RFX4: variants seen among roughly 807,000 people sequenced by gnomAD.
RFX4 encodes the protein regulatory factor X4, also known as transcription factor RFX4.
RFX4 carries 10 observed loss-of-function variants against 95.0 expected under a neutral mutation model. The observed-to-expected ratio is 0.11, with a 90% CI of 0.06 to 0.18. The LOEUF is 0.18. Among genes scored for constraint, RFX4 ranks in the 10% least tolerant of loss-of-function variants. RFX4 has a pLI of 1.00. For synonymous variants in RFX4, 321 were observed against 340.7 expected (o/e 0.94, Z 0.64); for missense variants, 640 against 922.0 (o/e 0.69, Z 3.96).
At chr12:106,597,223 C>T (rs1271620070) in intron 1 of RFX4, among the ~76,000 whole-genome samples, 2 of 151,998 alleles carry the variant, frequency 1.3e-5, no homozygotes, top group Non-Finnish European at 1.5e-5. Flanking sequence ...TCTTCTAATC[C>T]TCATAATAAC....
chr12:106,625,041 G>A (rs1369558452), intron 2 of RFX4, among the ~76,000 whole-genome samples: 1 of 152,162 alleles, frequency 6.6e-6, no homozygotes, highest in East Asian at 1.9e-4. Context: ...TGCTCGGAAT[G>A]GGAGACTATT....
At chr12:106,761,166 A>T in intron 17 of RFX4, 31 bp from the exon 18 acceptor site, 2 of 1,599,418 alleles carry the variant, frequency 1.3e-6, no homozygotes, top group Non-Finnish European at 1.7e-6. Flanking sequence ...AGCTAATTTT[A>T]ACTTTGTGGA....
At chr12:106,643,265 G>A (rs772836143) in intron 3 of RFX4, among the ~76,000 whole-genome samples, 14 of 152,278 alleles carry the variant, frequency 9.2e-5, no homozygotes, top group Admixed American at 5.2e-4. Context: ...CACACTCAGC[G>A]TCCACCACTC....
intron 2 of RFX4, among the ~76,000 whole-genome samples, chr12:106,625,630 T>C (rs778233881): frequency 6.6e-6 from 1 of 152,114 alleles, no homozygotes; most frequent in Non-Finnish European, 1.5e-5. Context: ...TAGACAGAGT[T>C]GTATGGGTAG....
At chr12:106,583,699 G>A (rs990471601) in intron 1 of RFX4, 1 of 217,684 alleles carries the variant, frequency 4.6e-6, no homozygotes, top group Non-Finnish European at 9.0e-6. Context: ...AACTTTGCCA[G>A]CCGACCGCCC....
intron 3 of RFX4, among the ~76,000 whole-genome samples, chr12:106,652,057 C>A (rs2040866369): frequency 6.6e-6 from 1 of 152,180 alleles, no homozygotes; most frequent in Non-Finnish European, 1.5e-5. Context: ...GGCTGATTTT[C>A]ATTCATACTG....
At chr12:106,614,010 C>T (rs926159791) in intron 2 of RFX4, among the ~76,000 whole-genome samples, 3 of 152,206 alleles carry the variant, frequency 2.0e-5, no homozygotes, top group Admixed American at 6.5e-5. Context: ...CACTTCCTTG[C>T]CAACATTTGG....
chr12:106,647,413 A>C (rs2040769233), intron 3 of RFX4, among the ~76,000 whole-genome samples: 1 of 152,196 alleles, frequency 6.6e-6, no homozygotes, highest in African/African-American at 2.4e-5. Context: ...GGGTAGTGAT[A>C]GCCAATATGA....
Position 106,762,080 on chromosome 12 carries a change from C to T in RFX4, c.*611C>T, listed in dbSNP as rs899295087. On this transcript the variant is annotated 3_prime_UTR_variant, in exon 18 of 18. Coordinates refer to ENST00000392842, the MANE Select transcript of RFX4 (RefSeq NM_213594.3). Reference sequence around the variant, plus strand: ...GTCATACCCACATCTGTCACAGTACCTGCATTGTCTTGGAATGTAAGCACT... The same window carrying T: ...GTCATACCCACATCTGTCACAGTACTTGCATTGTCTTGGAATGTAAGCACT... The T allele has an allele frequency of 1.3e-5, 2 of 152,626 alleles. No homozygotes were observed. The highest frequency in any genetic ancestry group is 4.8e-5 in the African/African-American group (2 of 41,418). The allele number at this position is 152,626 out of a possible 1,614,324, so 9.5% of individuals were successfully genotyped here.
intron 16 of RFX4, 74 bp downstream of exon 16, chr12:106,747,673 C>A: frequency 6.6e-7 from 1 of 1,523,948 alleles, no homozygotes; most frequent in Non-Finnish European, 8.9e-7. Context: ...CAGCTCACAC[C>A]CTGTAATCCC....
At chr12:106,731,161 A>T (rs1173591763) in intron 13 of RFX4, among the ~76,000 whole-genome samples, 16 of 152,194 alleles carry the variant, frequency 1.1e-4, no homozygotes, top group African/African-American at 3.6e-4. Context: ...ATGGGATGGG[A>T]GATAAAGGCT....
intron 8 of RFX4, among the ~76,000 whole-genome samples, chr12:106,703,840 T>C (rs979515867): frequency 6.6e-6 from 1 of 151,896 alleles, no homozygotes; most frequent in African/African-American, 2.4e-5. Flanking sequence ...CCGAGGCAGG[T>C]AAATCACTCA....
chr12:106,731,720 G>T (rs1346240751), intron 13 of RFX4, among the ~76,000 whole-genome samples: 4 of 152,190 alleles, frequency 2.6e-5, no homozygotes, highest in African/African-American at 9.6e-5. Flanking sequence ...AAGTCCAATT[G>T]GGGGAATAAT....
chr12:106,748,338 T>A (rs957846428), intron 16 of RFX4, among the ~76,000 whole-genome samples: 2 of 152,234 alleles, frequency 1.3e-5, no homozygotes, highest in Admixed American at 1.3e-4. Context: ...AAGTCTTTTA[T>A]GATTCCATTT....
intron 2 of RFX4, among the ~76,000 whole-genome samples, chr12:106,635,044 A>G (rs1490971922): frequency 6.6e-6 from 1 of 152,240 alleles, no homozygotes; most frequent in East Asian, 1.9e-4. Context: ...TATAATTGCC[A>G]TAGAAGATGA....
At chr12:106,585,871 G>A (rs2039447819) in intron 1 of RFX4, 1 of 152,264 alleles carries the variant, frequency 6.6e-6, no homozygotes, top group South Asian at 2.1e-4. Context: ...AAGTGCCTCG[G>A]GCCCGGGAGA....
intron 2 of RFX4, among the ~76,000 whole-genome samples, chr12:106,626,929 G>A (rs1486958053): frequency 6.6e-6 from 1 of 152,114 alleles, no homozygotes; most frequent in South Asian, 2.1e-4. Flanking sequence ...CCTCCACGAG[G>A]TATCAGACAC....
chr12:106,722,132 A>G (rs1309297429), intron 13 of RFX4, among the ~76,000 whole-genome samples: 1 of 152,266 alleles, frequency 6.6e-6, no homozygotes. Flanking sequence ...GATGACTTCC[A>G]GTTCAGCACA....
intron 1 of RFX4, among the ~76,000 whole-genome samples, chr12:106,604,817 T>C (rs2137192803): frequency 6.6e-6 from 1 of 152,310 alleles, no homozygotes; most frequent in African/African-American, 2.4e-5. Flanking sequence ...ATTATGTAAG[T>C]AGAGTTTTAG....
Sources: gnomAD v4.1 joint callset for allele counts (sites outside exome capture counted in the v4.1 genomes callset) on GRCh38, gnomAD v4.1.1 for gene constraint, MANE v1.5 for transcripts, NCBI Gene and HGNC (gene_info 2026-07-23, HGNC 2026-07-21) for gene names.